Variants in QNG1 observed in about 807,000 individuals in gnomAD.
The protein encoded by QNG1 is Q-nucleotide N-glycosylase 1.
the QNG1 span, chr9:83,956,404 C>G: frequency 6.3e-7 from 1 of 1,596,318 alleles, no homozygotes; most frequent in Admixed American, 1.8e-5. Context: ...AGCAGCAGCT[C>G]TGCCACCCTC....
chr9:83,951,266 AAAC>A, the QNG1 span, among the ~76,000 whole-genome samples: 1 of 151,782 alleles, frequency 6.6e-6, no homozygotes, highest in Non-Finnish European at 1.5e-5. Context: ...AAAAAACAAA[AAAC>A]AAAAAACAAA....
At chr9:83,956,098 T>C in the QNG1 span, 1 of 1,548,344 alleles carries the variant, frequency 6.5e-7, no homozygotes, top group Non-Finnish European at 8.8e-7. Flanking sequence ...GGAACTCCCC[T>C]ACACACACCC....
the QNG1 span, among the ~76,000 whole-genome samples, chr9:83,947,623 C>A: frequency 6.6e-6 from 1 of 152,250 alleles, no homozygotes; most frequent in African/African-American, 2.4e-5. Flanking sequence ...GCCTGATTCT[C>A]CTGCCTCAGA....
At chr9:83,948,776 T>C in the QNG1 span, among the ~76,000 whole-genome samples, 1 of 152,224 alleles carries the variant, frequency 6.6e-6, no homozygotes, top group African/African-American at 2.4e-5. Context: ...TGGGATGCTG[T>C]TAATCTATAA....
the QNG1 span, chr9:83,938,350 T>C: frequency 1.3e-5 from 2 of 152,158 alleles, no homozygotes; most frequent in Non-Finnish European, 2.9e-5. Flanking sequence ...AATTCCAATA[T>C]AGTTACTCTG....
chr9:83,956,664 C>G, the QNG1 span: 1 of 563,662 alleles, frequency 1.8e-6, no homozygotes, highest in Non-Finnish European at 2.9e-6. Flanking sequence ...GGTAAAGGTT[C>G]TCTCCCGCGG....
chr9:83,939,105 C>A, the QNG1 span: 1 of 174,948 alleles, frequency 5.7e-6, no homozygotes, highest in Non-Finnish European at 1.2e-5. Flanking sequence ...CAAAGTTTCA[C>A]TCTTGTTGCT....
the QNG1 span, chr9:83,955,611 C>A: frequency 6.2e-7 from 1 of 1,613,926 alleles, no homozygotes; most frequent in Non-Finnish European, 8.5e-7. Context: ...GTCACTGTCG[C>A]GTAGTACGAG....
the QNG1 span, chr9:83,956,173 G>T: frequency 6.2e-7 from 1 of 1,610,312 alleles, no homozygotes. Flanking sequence ...CCTTCGTCGA[G>T]GGCTCTGTTG....
chr9:83,946,932 G>T, the QNG1 span, among the ~76,000 whole-genome samples: 1 of 151,230 alleles, frequency 6.6e-6, no homozygotes, highest in Admixed American at 6.6e-5. Context: ...TTAGCCAGGC[G>T]TGGTGGCACG....
At chr9:83,956,636 A>G in the QNG1 span, 35 of 679,422 alleles carry the variant, frequency 5.2e-5, 1 homozygote, top group Non-Finnish European at 4.7e-5. Flanking sequence ...AGTGGCACCG[A>G]GAACTTAGTG....
At chr9:83,939,335 G>C in the QNG1 span, 1 of 576,156 alleles carries the variant, frequency 1.7e-6, no homozygotes, top group Non-Finnish European at 3.1e-6. Flanking sequence ...GCCTCCCACA[G>C]TGCTGGGATT....
the QNG1 span, chr9:83,939,752 G>A: frequency 1.4e-5 from 23 of 1,594,966 alleles, no homozygotes; most frequent in African/African-American, 2.8e-4. Context: ...TCCTGCAAGG[G>A]GGAAAAGCAG....
At chr9:83,956,684 G>A in the QNG1 span, 90 of 492,480 alleles carry the variant, frequency 1.8e-4, 1 homozygote, top group South Asian at 3.9e-3. Flanking sequence ...GCGTTGCCCT[G>A]ATTAGGAAAC....
At chr9:83,948,512 AG>A in the QNG1 span, among the ~76,000 whole-genome samples, 98 of 131,586 alleles carry the variant, frequency 7.4e-4, no homozygotes, top group African/African-American at 2.2e-3. Flanking sequence ...CCTGTCCGGG[AG>A]GGGGGGGGCG....
At chr9:83,947,021 T>G in the QNG1 span, among the ~76,000 whole-genome samples, 5 of 151,994 alleles carry the variant, frequency 3.3e-5, no homozygotes, top group African/African-American at 1.2e-4. Context: ...CAGTGAGCTG[T>G]GATCACATCA....
the QNG1 span, among the ~76,000 whole-genome samples, chr9:83,951,439 A>G: frequency 1.3e-5 from 2 of 151,978 alleles, no homozygotes; most frequent in Non-Finnish European, 2.9e-5. Flanking sequence ...GCGCACCTCT[A>G]ATCCCAGCTA....
the QNG1 span, among the ~76,000 whole-genome samples, chr9:83,947,387 C>A: frequency 6.6e-6 from 1 of 152,194 alleles, no homozygotes; most frequent in East Asian, 1.9e-4. Flanking sequence ...GATACCCTGT[C>A]ATAACAAGAA....
At chr9:83,955,184 A>T in the QNG1 span, among the ~76,000 whole-genome samples, 3 of 152,340 alleles carry the variant, frequency 2.0e-5, no homozygotes, top group South Asian at 6.2e-4. Flanking sequence ...GCGCAACAAG[A>T]GCAAAACTCT....
Sources: gnomAD v4.1 joint callset for allele counts (sites outside exome capture counted in the v4.1 genomes callset) on GRCh38, gnomAD v4.1.1 for gene constraint, MANE v1.5 for transcripts, NCBI Gene and HGNC (gene_info 2026-07-23, HGNC 2026-07-21) for gene names.